The following EXOC6B variants were observed in gnomAD, a reference collection of about 807,000 sequenced individuals.
EXOC6B encodes the protein SEC15 homolog B.
A neutral mutation model predicts 113.5 loss-of-function variants in EXOC6B; 54 were observed. The observed-to-expected ratio is 0.48, with a 90% confidence interval of 0.38 to 0.60. The LOEUF (loss-of-function observed/expected upper bound fraction) is 0.60, where lower values mean the gene tolerates loss of function less well. Among genes scored for constraint, EXOC6B ranks in the 20% least tolerant of loss-of-function variants. The pLI, the probability that EXOC6B is intolerant of heterozygous loss-of-function variation, is 0.00. For synonymous variants in EXOC6B, 357 were observed against 339.0 expected (o/e 1.05, Z -0.58); for missense variants, 797 against 977.5 (o/e 0.82, Z 2.46).
chr2:72,311,369 T>C (rs531673855), intron 20 of EXOC6B, among the ~76,000 whole-genome samples: 1 of 152,314 alleles, frequency 6.6e-6, no homozygotes, highest in East Asian at 1.9e-4. Context: ...AGGCTGCCAG[T>C]TGAGGATCAT....
chr2:72,577,200 C>T (rs886301139), intron 6 of EXOC6B, among the ~76,000 whole-genome samples: 1 of 152,018 alleles, frequency 6.6e-6, no homozygotes, highest in African/African-American at 2.4e-5. Flanking sequence ...CAGTAACAAA[C>T]TGAGATAGAG....
At chr2:72,470,470 G>GT (rs1248581291) in intron 17 of EXOC6B, among the ~76,000 whole-genome samples, 4 of 151,430 alleles carry the variant, frequency 2.6e-5, no homozygotes, top group East Asian at 1.9e-4. Context: ...AGCTCTAAGA[G>GT]TTTTTTCTTT....
chr2:72,491,498 G>C (rs1438580976), intron 16 of EXOC6B, among the ~76,000 whole-genome samples: 1 of 152,056 alleles, frequency 6.6e-6, no homozygotes, highest in Admixed American at 6.6e-5. Flanking sequence ...AGGTAAAACA[G>C]ATGGCAAACA....
At chr2:72,382,222 A>G (rs1277544507) in intron 18 of EXOC6B, among the ~76,000 whole-genome samples, 1 of 152,276 alleles carries the variant, frequency 6.6e-6, no homozygotes, top group East Asian at 1.9e-4. Context: ...GTTCAACATA[A>G]TGGTCTGGCT....
chr2:72,620,512 T>TTATAAA (rs1671681716), intron 6 of EXOC6B, among the ~76,000 whole-genome samples: 1 of 151,486 alleles, frequency 6.6e-6, no homozygotes, highest in African/African-American at 2.4e-5. Context: ...TAAATTTAAA[T>TTATAAA]TTTAAATTTA....
intron 19 of EXOC6B, among the ~76,000 whole-genome samples, chr2:72,365,410 G>A (rs1690559117): frequency 6.6e-6 from 1 of 152,120 alleles, no homozygotes; most frequent in Admixed American, 6.6e-5. Context: ...CTGGACAAGA[G>A]GTAATGCAGA....
chr2:72,319,921 C>T (rs933281212), intron 20 of EXOC6B, among the ~76,000 whole-genome samples: 9 of 152,038 alleles, frequency 5.9e-5, no homozygotes, highest in South Asian at 2.1e-4. Context: ...CTACAACCTC[C>T]GACTCCCTGG....
At chr2:72,391,884 C>T (rs1392130177) in intron 18 of EXOC6B, among the ~76,000 whole-genome samples, 4 of 152,128 alleles carry the variant, frequency 2.6e-5, no homozygotes, top group Admixed American at 6.5e-5. Flanking sequence ...TCTTTTATCA[C>T]TCTGTGTGTT....
At chr2:72,713,800 G>A (rs189265008) in intron 6 of EXOC6B, among the ~76,000 whole-genome samples, 1 of 152,194 alleles carries the variant, frequency 6.6e-6, no homozygotes, top group African/African-American at 2.4e-5. Flanking sequence ...GAAAAAGCAA[G>A]AGACGTGGAA....
At chr2:72,386,730 G>A (rs1692051019) in intron 18 of EXOC6B, among the ~76,000 whole-genome samples, 1 of 152,146 alleles carries the variant, frequency 6.6e-6, no homozygotes, top group Non-Finnish European at 1.5e-5. Context: ...AACTGCTCTT[G>A]CCTAACACAC....
intron 6 of EXOC6B, among the ~76,000 whole-genome samples, chr2:72,676,707 T>C (rs1345836709): frequency 2.0e-5 from 3 of 151,908 alleles, no homozygotes; most frequent in South Asian, 4.2e-4. Context: ...GATTAACGAG[T>C]CTAGTGGTTG....
At position 72,512,384 on chromosome 2, in the gene EXOC6B, GAA is replaced by G. The variant is rs1376432343; in HGVS notation, c.1167+746_1167+747del. ...GGAAGGAAAGAAGGAAGGAAGGAAG[GAA>G]GGAAGGAAGGAAGGAAGGAAGGAAG... On this transcript the variant is annotated intron_variant, in intron 11 of 21. Transcript: ENST00000272427. 1.2e-3 allele frequency among the ~76,000 whole-genome samples: 141 copies of G among 116,648 alleles called. 6 individuals carry two copies. Among genetic ancestry groups the G allele is most frequent in the African/African-American group, 4.4e-3 (134 of 30,154 alleles). 76.5% of individuals were successfully genotyped at this position (116,648 alleles called of 152,430 possible). A position where few individuals can be genotyped will look rare whatever the true frequency, so the allele number is the denominator to read the frequency against.
chr2:72,424,497 T>C (rs1695092245), intron 18 of EXOC6B, among the ~76,000 whole-genome samples: 1 of 152,168 alleles, frequency 6.6e-6, no homozygotes, highest in African/African-American at 2.4e-5. Flanking sequence ...CTAATGACTT[T>C]TATATCATCA....
intron 6 of EXOC6B, among the ~76,000 whole-genome samples, chr2:72,685,550 A>G (rs1360963823): frequency 6.6e-6 from 1 of 152,182 alleles, no homozygotes; most frequent in Non-Finnish European, 1.5e-5. Context: ...TGATCCAAAA[A>G]AAACAACAGT....
chr2:72,669,726 G>A (rs1675661285), intron 6 of EXOC6B, among the ~76,000 whole-genome samples: 1 of 152,222 alleles, frequency 6.6e-6, no homozygotes, highest in Non-Finnish European at 1.5e-5. Flanking sequence ...ACGCGTGGAA[G>A]TTGTTTTATC....
At chr2:72,492,664 G>GT (rs34091533) in intron 15 of EXOC6B, among the ~76,000 whole-genome samples, 89,418 of 149,632 alleles carry the variant, frequency 0.6, 32,554 homozygotes, top group East Asian at 0.99. Context: ...AATTCTGGCT[G>GT]TTTTTTTTTC....
intron 18 of EXOC6B, among the ~76,000 whole-genome samples, chr2:72,459,046 T>C (rs1697443419): frequency 6.6e-6 from 1 of 151,904 alleles, no homozygotes; most frequent in African/African-American, 2.4e-5. Flanking sequence ...AAGGAAAACC[T>C]AAAAGCTACA....
At chr2:72,604,430 GT>G (rs1247862119) in intron 6 of EXOC6B, among the ~76,000 whole-genome samples, 1 of 152,142 alleles carries the variant, frequency 6.6e-6, no homozygotes, top group East Asian at 1.9e-4. Context: ...ACGTTTGTGA[GT>G]GTTCTTTATG....
At chr2:72,536,331 T>C (rs914379797) in intron 8 of EXOC6B, among the ~76,000 whole-genome samples, 3 of 152,198 alleles carry the variant, frequency 2.0e-5, no homozygotes, top group Admixed American at 6.5e-5. Flanking sequence ...GATTGTACTG[T>C]CAACTGTATT....
Sources: gnomAD v4.1 joint callset for allele counts (sites outside exome capture counted in the v4.1 genomes callset) on GRCh38, gnomAD v4.1.1 for gene constraint, MANE v1.5 for transcripts, NCBI Gene and HGNC (gene_info 2026-07-23, HGNC 2026-07-21) for gene names.